The following RPGRIP1 variants were observed in gnomAD, a reference collection of about 807,000 sequenced individuals.
RPGRIP1 encodes RPGR interacting protein 1.
A neutral mutation model predicts 157.9 loss-of-function variants in RPGRIP1; 128 were observed. The ratio of observed to expected loss-of-function variants is 0.81; its 90% confidence interval spans 0.70 to 0.94. The LOEUF (loss-of-function observed/expected upper bound fraction) is 0.94, where lower values mean the gene tolerates loss of function less well. Among genes scored for constraint, RPGRIP1 ranks in the 40% least tolerant of loss-of-function variants. The probability of loss-of-function intolerance (pLI) is 0.00; values close to 1 mark genes in which losing one functional copy is unlikely to be tolerated. For synonymous variants in RPGRIP1, 554 were observed against 571.6 expected, an observed-to-expected ratio of 0.97 and a Z score of 0.44; for missense variants, 1,486 against 1,545.8, an observed-to-expected ratio of 0.96 and a Z score of 0.65.
intron 6 of RPGRIP1, 108 bp downstream of exon 6, chr14:21,303,651 A>T (rs546261048): frequency 5.9e-6 from 5 of 846,448 alleles, no homozygotes; most frequent in South Asian, 5.0e-5. Flanking sequence ...TTGGGATTAA[A>T]TTCAATCGGA....
At chr14:21,300,705 CTTTTTTTTTT>C (rs918137131) in intron 3 of RPGRIP1, among the ~76,000 whole-genome samples, 5 of 73,508 alleles carry the variant, frequency 6.8e-5, no homozygotes, top group Admixed American at 1.8e-4. Flanking sequence ...AGTGGCTCAA[CTTTTTTTTTT>C]TTTTTTTTTT....
chr14:21,304,484 T>C (rs1351933411), intron 6 of RPGRIP1, among the ~76,000 whole-genome samples: 1 of 151,918 alleles, frequency 6.6e-6, no homozygotes, highest in Non-Finnish European at 1.5e-5. Flanking sequence ...TAAAAGGATA[T>C]TTGCTGCCTC....
chr14:21,347,656 T>A (rs142794121), intron 23 of RPGRIP1, among the ~76,000 whole-genome samples: 2 of 152,194 alleles, frequency 1.3e-5, no homozygotes, highest in Non-Finnish European at 2.9e-5. Context: ...TCCAGAGAGA[T>A]AGAAAGTAGA....
At chr14:21,284,336 C>T (rs990353477) in intron 1 of RPGRIP1, among the ~76,000 whole-genome samples, 1 of 151,988 alleles carries the variant, frequency 6.6e-6, no homozygotes, top group Non-Finnish European at 1.5e-5. Flanking sequence ...ACTATAGAAC[C>T]TAAAGGTAGG....
At chr14:21,328,745 G>A (rs1267787190) in intron 19 of RPGRIP1, 118 bp downstream of exon 19, 18 of 729,658 alleles carry the variant, frequency 2.5e-5, no homozygotes, top group Non-Finnish European at 3.1e-5. Context: ...CTAATCGGCC[G>A]GGCATGGTGG....
intron 20 of RPGRIP1, among the ~76,000 whole-genome samples, chr14:21,330,595 G>A (rs576395362): frequency 1.3e-4 from 20 of 152,146 alleles, no homozygotes; most frequent in Admixed American, 2.6e-4. Context: ...GAACCCAGGA[G>A]GAGGAGGTTG....
chr14:21,341,787 G>A (rs148819927), intron 21 of RPGRIP1, among the ~76,000 whole-genome samples: 3 of 152,082 alleles, frequency 2.0e-5, no homozygotes, highest in East Asian at 1.9e-4. Flanking sequence ...CAGGCGCGGC[G>A]GCTCACGACT....
In RPGRIP1 at chr14:21,330,469, G is replaced by A. The variant is rs896934897; in HGVS notation, c.3238+82G>A. 6.0e-6 allele frequency: 6 copies of A among 1,006,692 alleles called. No individual in the cohort carries two copies. The South Asian group carries it at 1.2e-4, about 20-fold the overall frequency. The allele number at this position is 1,006,692 out of a possible 1,614,324, so 62.4% of individuals were successfully genotyped here. Reference sequence around the variant, plus strand: ...AGATCACGAGATCAGGCTTTCAAGAGCAGCCTGGCCAACATGATGAAACCC... The same window carrying A: ...AGATCACGAGATCAGGCTTTCAAGAACAGCCTGGCCAACATGATGAAACCC... On this transcript the variant is annotated intron_variant, in intron 20 of 24. Coordinates refer to ENST00000400017, the MANE Select transcript of RPGRIP1 (RefSeq NM_020366.4).
At chr14:21,349,349 C>T (rs867270633) in intron 24 of RPGRIP1, among the ~76,000 whole-genome samples, 17 of 150,588 alleles carry the variant, frequency 1.1e-4, no homozygotes, top group Middle Eastern at 6.9e-3. Context: ...GCATTACAGG[C>T]ATAAACCACT....
chr14:21,285,300 C>T (rs1464504460), intron 1 of RPGRIP1, among the ~76,000 whole-genome samples: 1 of 151,654 alleles, frequency 6.6e-6, no homozygotes, highest in Admixed American at 6.6e-5. Context: ...CAGATGGAGT[C>T]AGCCAAATAA....
In RPGRIP1 at chr14:21,294,718, C is replaced by T. The variant is rs751975588; in HGVS notation, c.127C>T (p.Arg43Trp). The change falls in exon 3 of 25, where the codon CGG (arginine) becomes TGG (tryptophan). Residue 43 changes from arginine (R) to tryptophan (W), a missense_variant. Physicochemically the swap from Arg to Trp is moderately radical, Grantham distance 101. Transcript: ENST00000400017. ...TCAACCACCCTTGAGCAGGATGAAC[C>T]GGGAGGAATTGGAGGACAGTTTCTT... ...KTQPPLSRMN[R>W]EELEDSFFRL... 67 of 1,612,916 alleles carry T rather than the reference C, an allele frequency of 4.2e-5. No homozygotes were observed. The highest frequency in any genetic ancestry group is 3.1e-4 in the East Asian group (14 of 44,852).
intron 4 of RPGRIP1, among the ~76,000 whole-genome samples, chr14:21,301,712 AT>A (rs1881040772): frequency 1.7e-5 from 2 of 117,924 alleles, no homozygotes; most frequent in Non-Finnish European, 1.8e-5. Flanking sequence ...AATAATAATA[AT>A]AATAATAATA....
chr14:21,302,699 G>T, intron 5 of RPGRIP1, 115 bp downstream of exon 5: 1 of 600,604 alleles, frequency 1.7e-6, no homozygotes, highest in Non-Finnish European at 2.8e-6. Context: ...GATCAGGGAA[G>T]ATGAAAGTCG....
At chr14:21,328,698 TAGAAGC>T (rs201626632) in intron 19 of RPGRIP1, 71 bp downstream of exon 19, 26 of 1,119,772 alleles carry the variant, frequency 2.3e-5, no homozygotes, top group Admixed American at 1.2e-4. Context: ...TTCTCAGAGG[TAGAAGC>T]AGAAGCAGAA....
intron 2 of RPGRIP1, among the ~76,000 whole-genome samples, chr14:21,289,550 T>C (rs1025515010): frequency 3.9e-5 from 6 of 152,190 alleles, no homozygotes; most frequent in African/African-American, 1.4e-4. Flanking sequence ...TGGCTACCGT[T>C]GATTCTATTT....
intron 24 of RPGRIP1, among the ~76,000 whole-genome samples, chr14:21,349,811 T>C (rs1018635166): frequency 1.1e-4 from 16 of 152,216 alleles, no homozygotes; most frequent in African/African-American, 3.6e-4. Flanking sequence ...TTAAATCCTT[T>C]TACAGTTTGC....
rs1217633462 is a variant in RPGRIP1 at position 21,301,138 on chromosome 14, G to A, written c.391G>A (p.Val131Ile). 1 of 1,598,284 alleles carries A rather than the reference G, an allele frequency of 6.3e-7. No homozygotes were observed. Among genetic ancestry groups the A allele is most frequent in the Non-Finnish European group, 8.5e-7 (1 of 1,172,768 alleles). ...MHRLQGHFHC[V>I]GPASPRRAQP... ...CCGACTGCAAGGGCATTTCCACTGC[G>A]TCGGCCCTGCCAGCCCCCGCCGCGC... Residue 131 changes from valine to isoleucine, a missense_variant, in exon 4 of 25, where the codon GTC becomes ATC. Transcript: ENST00000400017.
At position 21,351,097 on chromosome 14, in the gene RPGRIP1, C is replaced by CCAA; in HGVS notation, c.3749-4_3749-2dup. On this transcript the variant is annotated splice_region_variant and splice_polypyrimidine_tract_variant and intron_variant, in intron 24 of 24. Coordinates refer to ENST00000400017, the MANE Select transcript of RPGRIP1 (RefSeq NM_020366.4). The stretch of plus-strand genomic sequence containing the variant: ...GAGTGATGCTGTTTTTTTCCCTTTC[C>CCAA]CAACAGTTGTTAGCCCTGAAGATCT... The CCAA allele has an allele frequency of 6.4e-7, 1 of 1,573,500 alleles. No homozygotes were observed. The highest frequency in any genetic ancestry group is 1.4e-5 in the African/African-American group (1 of 73,748).
chr14:21,330,573 G>A (rs1393945347), intron 20 of RPGRIP1, among the ~76,000 whole-genome samples, 186 bp downstream of exon 20: 1 of 152,022 alleles, frequency 6.6e-6, no homozygotes, highest in African/African-American at 2.4e-5. Context: ...GGCGGAGGCA[G>A]GAGAATTGCT....
Sources: allele counts gnomAD v4.1 joint callset (sites outside exome capture counted in the v4.1 genomes callset), GRCh38; gene constraint gnomAD v4.1.1; transcripts MANE v1.5; gene names NCBI Gene and HGNC (gene_info 2026-07-23, HGNC 2026-07-21).